The following DCP1A variants were observed in gnomAD, a reference collection of about 807,000 sequenced individuals.
DCP1A encodes the protein mRNA-decapping enzyme 1A.
Under a neutral mutation model 58.0 loss-of-function variants are expected in DCP1A, and 20 were observed. The ratio of observed to expected loss-of-function variants is 0.34; its 90% CI spans 0.24 to 0.50. The LOEUF is 0.50. Ranked by LOEUF, DCP1A falls within the 20% of genes least tolerant of loss-of-function variation. The pLI is 0.98. For missense variants in DCP1A, 613 were observed against 712.2 expected, an observed-to-expected ratio of 0.86 and a Z score of 1.59; for synonymous variants, 285 against 275.1, an observed-to-expected ratio of 1.04 and a Z score of -0.36.
intron 3 of DCP1A, among the ~76,000 whole-genome samples, chr3:53,320,708 A>C (rs541839220): frequency 8.1e-4 from 123 of 152,330 alleles, no homozygotes; most frequent in African/African-American, 2.9e-3. Flanking sequence ...ACATCAGTCG[A>C]GATACAGAAA....
intron 6 of DCP1A, among the ~76,000 whole-genome samples, chr3:53,298,971 T>C (rs1237272677): frequency 6.6e-6 from 1 of 152,250 alleles, no homozygotes; most frequent in African/African-American, 2.4e-5. Flanking sequence ...CTAGAAGCCA[T>C]AGGCTATCCC....
chr3:53,323,225 G>A (rs1443549469), intron 3 of DCP1A, among the ~76,000 whole-genome samples: 1 of 152,166 alleles, frequency 6.6e-6, no homozygotes, highest in Admixed American at 6.6e-5. Context: ...AGTAATTTTG[G>A]AATGTTTTAC....
intron 8 of DCP1A, 90 bp downstream of exon 8, chr3:53,290,701 T>A (rs1395748931): frequency 1.8e-6 from 2 of 1,093,284 alleles, no homozygotes; most frequent in African/African-American, 3.4e-5. Flanking sequence ...CAGACCAAAT[T>A]CCTTGTTCTA....
At chr3:53,312,637 A>G (rs1312478568) in intron 4 of DCP1A, among the ~76,000 whole-genome samples, 4 of 151,224 alleles carry the variant, frequency 2.6e-5, no homozygotes, top group Non-Finnish European at 4.4e-5. Context: ...CTGGGACTAC[A>G]GCGCCCACCA....
rs1403474626 is a variant in DCP1A, at chr3:53,284,220, T to C, written c.*3360A>G. ...TCTCATTCCTCTCAGAGTTACAGTATGATGGCTGATTTTGTTTTTTGAGCA... is the reference window on the plus strand; with the variant it reads ...TCTCATTCCTCTCAGAGTTACAGTACGATGGCTGATTTTGTTTTTTGAGCA... On this transcript the variant is annotated 3_prime_UTR_variant, in exon 10 of 10. Transcript: ENST00000610213. 6.6e-6 allele frequency: 1 copy of C among 152,232 alleles called. No homozygotes were observed. The highest frequency in any genetic ancestry group is 6.5e-5 in the Admixed American group (1 of 15,282). The allele number at this position is 152,232 out of a possible 1,614,324, so 9.4% of individuals were successfully genotyped here.
chr3:53,331,293 T>C (rs2088994746), intron 3 of DCP1A, among the ~76,000 whole-genome samples: 1 of 152,226 alleles, frequency 6.6e-6, no homozygotes, highest in Non-Finnish European at 1.5e-5. Context: ...ACTGTCTAGC[T>C]GTAAGAAAGA....
At chr3:53,295,198 T>C (rs538618443) in intron 6 of DCP1A, among the ~76,000 whole-genome samples, 8 of 152,274 alleles carry the variant, frequency 5.3e-5, no homozygotes, top group African/African-American at 1.9e-4. Context: ...GAGGACAGCA[T>C]CATCTGCTAG....
intron 3 of DCP1A, among the ~76,000 whole-genome samples, chr3:53,327,390 T>C (rs1316804026): frequency 6.6e-6 from 1 of 152,244 alleles, no homozygotes; most frequent in Non-Finnish European, 1.5e-5. Context: ...GTCACACACG[T>C]CATTTTATCA....
intron 6 of DCP1A, among the ~76,000 whole-genome samples, chr3:53,300,118 G>A (rs34799308): frequency 0.29 from 44,560 of 151,752 alleles, 7,539 homozygotes; most frequent in Admixed American, 0.39. Context: ...TGCCTGTCTC[G>A]GCCTCCCAAA....
chr3:53,319,344 G>T, intron 4 of DCP1A, 63 bp downstream of exon 4: 2 of 1,052,152 alleles, frequency 1.9e-6, no homozygotes, highest in Non-Finnish European at 2.8e-6. Context: ...AAAGAGAAGT[G>T]GGAGGGGATT....
At chr3:53,328,669 T>C (rs953378778) in intron 3 of DCP1A, among the ~76,000 whole-genome samples, 2 of 152,242 alleles carry the variant, frequency 1.3e-5, no homozygotes, top group Non-Finnish European at 2.9e-5. Flanking sequence ...AGGCACTTGG[T>C]AAAGGCTCTA....
chr3:53,334,671 G>T (rs2089078969), intron 3 of DCP1A, among the ~76,000 whole-genome samples: 1 of 152,122 alleles, frequency 6.6e-6, no homozygotes, highest in Non-Finnish European at 1.5e-5. Flanking sequence ...GGTACCACAA[G>T]CCTGCATCTT....
rs1248233118 is a variant in DCP1A, at chr3:53,285,093, T to C, written c.*2487A>G. On this transcript the variant is annotated 3_prime_UTR_variant, in exon 10 of 10. Coordinates refer to ENST00000610213, the MANE Select transcript of DCP1A (RefSeq NM_018403.7). ...TCTCCTCCAAGCTCTGGGCTGCTCCTCTTGGAGTCTACACTTAGACCCTGG... is the reference window on the plus strand; with the variant it reads ...TCTCCTCCAAGCTCTGGGCTGCTCCCCTTGGAGTCTACACTTAGACCCTGG... 1 of 152,084 alleles carries C rather than the reference T, an allele frequency of 6.6e-6. No individual in the cohort carries two copies. The highest frequency in any genetic ancestry group is 2.4e-5 in the African/African-American group (1 of 41,342). 9.4% of individuals were successfully genotyped at this position (152,084 alleles called of 1,614,324 possible). A position where few individuals can be genotyped will look rare whatever the true frequency, so the allele number is the denominator to read the frequency against.
chr3:53,340,953 G>A (rs1277571418), intron 3 of DCP1A, among the ~76,000 whole-genome samples: 3 of 152,132 alleles, frequency 2.0e-5, no homozygotes, highest in African/African-American at 7.2e-5. Flanking sequence ...AGTCTCAGTT[G>A]ACTTAACTGC....
chr3:53,300,945 A>T (rs1261697745), intron 6 of DCP1A, among the ~76,000 whole-genome samples: 1 of 152,104 alleles, frequency 6.6e-6, no homozygotes, highest in East Asian at 1.9e-4. Context: ...ACCATGCCTG[A>T]CCTTATAATT....
intron 3 of DCP1A, among the ~76,000 whole-genome samples, chr3:53,331,739 T>C (rs1462648376): frequency 1.3e-5 from 2 of 152,224 alleles, no homozygotes; most frequent in African/African-American, 4.8e-5. Flanking sequence ...TCACAGAATA[T>C]TCTTGGGGCA....
At position 53,292,396 on chromosome 3, in the gene DCP1A, C is replaced by A; in HGVS notation, c.1056G>T (p.Arg352Ser). 1.2e-6 allele frequency: 2 copies of A among 1,613,524 alleles called. No individual in the cohort carries two copies. The highest frequency in any genetic ancestry group is 1.7e-6 in the Non-Finnish European group (2 of 1,179,676). Residue 352 changes from arginine to serine, a missense_variant, in exon 7 of 10, where the codon AGG (arginine) becomes AGT (serine). Physicochemically the swap from Arg to Ser is moderately radical, Grantham distance 110 (BLOSUM62 -1). Transcript: ENST00000610213. ...MQAVKTTPRQ[R>S]SPLLNQPVPE... ...GGACTGGCTGGTTCAGGAGTGGAGA[C>A]CTCTGTCTAGGCGTGGTCTTCACTG... is the stretch of plus-strand genomic sequence containing the variant.
intron 3 of DCP1A, chr3:53,329,544 T>G (rs910708812): frequency 5.4e-5 from 21 of 392,280 alleles, no homozygotes; most frequent in Non-Finnish European, 9.0e-5. Context: ...AAGAGCAACA[T>G]ATTAGACTAG....
At position 53,309,065 on chromosome 3, in the gene DCP1A, T is replaced by C. The variant is rs190127577; in HGVS notation, c.510+3176A>G. 2.2e-4 allele frequency among the ~76,000 whole-genome samples: 34 copies of C among 152,246 alleles called. 1 individual carries two copies. In the East Asian group the frequency reaches 6.4e-3, roughly 29 times the overall value. ...CCAAGTGTGGTTTCAACTATCTTTC[T>C]TTACATAAAAAATAAGAAAGTTGAG... On this transcript the variant is annotated intron_variant, in intron 5 of 9. Coordinates refer to ENST00000610213, the MANE Select transcript of DCP1A (RefSeq NM_018403.7).
Sources: gnomAD v4.1 joint callset for allele counts (sites outside exome capture counted in the v4.1 genomes callset) on GRCh38, gnomAD v4.1.1 for gene constraint, MANE v1.5 for transcripts, NCBI Gene and HGNC (gene_info 2026-07-23, HGNC 2026-07-21) for gene names.